TTC17: variants seen among roughly 807,000 people sequenced by gnomAD.
TTC17 encodes tetratricopeptide repeat protein 17.
TTC17 carries 58 observed loss-of-function variants against 143.8 expected under a neutral mutation model. The ratio of observed to expected loss-of-function variants is 0.40; its 90% CI spans 0.33 to 0.50. TTC17 has a LOEUF of 0.50. TTC17 is among the 20% of genes least tolerant of loss of function. TTC17 has a pLI of 0.49. For synonymous variants in TTC17, 501 were observed against 497.8 expected, an observed-to-expected ratio of 1.01 and a Z score of -0.09; for missense variants, 1,273 against 1,392.5, an observed-to-expected ratio of 0.91 and a Z score of 1.37.
At chr11:43,458,738 C>T (rs966073718) in intron 21 of TTC17, among the ~76,000 whole-genome samples, 1 of 152,160 alleles carries the variant, frequency 6.6e-6, no homozygotes, top group Admixed American at 6.5e-5. Context: ...TCGCTTTCCA[C>T]AGTTTTCAGT....
intron 11 of TTC17, 82 bp downstream of exon 11, chr11:43,404,226 A>G: frequency 1.5e-6 from 2 of 1,374,414 alleles, no homozygotes; most frequent in Non-Finnish European, 9.9e-7. Flanking sequence ...TCACTGATTA[A>G]TATGGCCTCT....
chr11:43,378,059 A>G (rs529517968), intron 1 of TTC17, among the ~76,000 whole-genome samples: 3 of 152,232 alleles, frequency 2.0e-5, no homozygotes, highest in Admixed American at 2.0e-4. Context: ...CTGCGCCACC[A>G]TGCCAGCTAA....
chr11:43,404,574 G>C (rs1450014681), intron 11 of TTC17, among the ~76,000 whole-genome samples: 1 of 152,178 alleles, frequency 6.6e-6, no homozygotes, highest in African/African-American at 2.4e-5. Context: ...AGATGATACA[G>C]ACAATAAACA....
At chr11:43,376,187 A>C (rs933637262) in intron 1 of TTC17, among the ~76,000 whole-genome samples, 9 of 152,226 alleles carry the variant, frequency 5.9e-5, no homozygotes, top group African/African-American at 1.9e-4. Context: ...TAATGTATTC[A>C]AAGGAAAATG....
intron 15 of TTC17, among the ~76,000 whole-genome samples, chr11:43,411,421 C>T (rs1461406193): frequency 6.6e-6 from 1 of 151,924 alleles, no homozygotes; most frequent in African/African-American, 2.4e-5. Context: ...AAATGGTGCA[C>T]TCCCCCCGCC....
chr11:43,475,197 TC>T (rs1564980437), intron 21 of TTC17, among the ~76,000 whole-genome samples: 1 of 152,222 alleles, frequency 6.6e-6, no homozygotes, highest in Non-Finnish European at 1.5e-5. Context: ...AGATTGATTA[TC>T]CTTTATCCAA....
At chr11:43,472,662 T>C (rs984846560) in intron 21 of TTC17, among the ~76,000 whole-genome samples, 3 of 151,972 alleles carry the variant, frequency 2.0e-5, no homozygotes, top group African/African-American at 7.2e-5. Flanking sequence ...AAAAGCAAAC[T>C]TGACCTAACT....
intron 15 of TTC17, 140 bp downstream of exon 15, chr11:43,407,717 A>C (rs933346300): frequency 1.3e-6 from 1 of 761,678 alleles, no homozygotes. Flanking sequence ...ATTTCAAGAG[A>C]GTGTGAAAAA....
At chr11:43,483,318 C>T (rs1260564319) in intron 21 of TTC17, among the ~76,000 whole-genome samples, 1 of 152,016 alleles carries the variant, frequency 6.6e-6, no homozygotes, top group Non-Finnish European at 1.5e-5. Context: ...GAATGACATA[C>T]CAGTTAATTC....
chr11:43,379,474 GTGTGTGTT>G (rs2134480366), intron 2 of TTC17, 152 bp downstream of exon 2: 1 of 602,722 alleles, frequency 1.7e-6, no homozygotes, highest in African/African-American at 1.9e-5. Flanking sequence ...GTGTGTGTGT[GTGTGTGTT>G]TTTTCTTTAT....
chr11:43,479,490 TTA>T (rs1214392887), intron 21 of TTC17, among the ~76,000 whole-genome samples: 1 of 152,114 alleles, frequency 6.6e-6, no homozygotes, highest in Non-Finnish European at 1.5e-5. Flanking sequence ...ACCTGAAATA[TTA>T]TAGAGACAAG....
intron 1 of TTC17, among the ~76,000 whole-genome samples, chr11:43,365,035 A>G (rs1362968745): frequency 6.6e-6 from 1 of 151,862 alleles, no homozygotes; most frequent in East Asian, 1.9e-4. Context: ...TCCTGACCTC[A>G]GGTGATCTGC....
chr11:43,365,828 A>G (rs2134437068), intron 1 of TTC17, among the ~76,000 whole-genome samples: 1 of 152,322 alleles, frequency 6.6e-6, no homozygotes, highest in East Asian at 1.9e-4. Context: ...CACATAGTCT[A>G]AGAAATTCAG....
chr11:43,380,042 GA>G (rs892784316), intron 2 of TTC17, among the ~76,000 whole-genome samples: 3 of 151,628 alleles, frequency 2.0e-5, no homozygotes, highest in African/African-American at 4.8e-5. Context: ...TGCAAAATGA[GA>G]AAAAAACTAA....
Position 43,414,452 on chromosome 11 carries a change from G to C in TTC17, c.2065-138G>C, listed in dbSNP as rs574024425. Reference sequence around the variant, plus strand: ...GTATTATACAGTTTAGAATTGGCTGGTATGAATAAAATGGATAGTTAGCAA... The same window carrying C: ...GTATTATACAGTTTAGAATTGGCTGCTATGAATAAAATGGATAGTTAGCAA... On this transcript the variant is annotated intron_variant, in intron 15 of 23. Coordinates refer to ENST00000039989, the MANE Select transcript of TTC17 (RefSeq NM_018259.6). 293 of 815,434 alleles carry C rather than the reference G, an allele frequency of 3.6e-4. 2 individuals carry two copies. In the East Asian group the frequency reaches 7.2e-3, roughly 20 times the overall value. The allele number at this position is 815,434 out of a possible 1,614,324, so 50.5% of individuals were successfully genotyped here. A position where few individuals can be genotyped will look rare whatever the true frequency, so the allele number is the denominator to read the frequency against.
At chr11:43,481,993 A>G (rs1948296002) in intron 21 of TTC17, among the ~76,000 whole-genome samples, 1 of 152,054 alleles carries the variant, frequency 6.6e-6, no homozygotes, top group South Asian at 2.1e-4. Flanking sequence ...TATTTTTAGT[A>G]GAGATGAGGT....
At chr11:43,374,574 C>T (rs749313053) in intron 1 of TTC17, among the ~76,000 whole-genome samples, 1 of 151,972 alleles carries the variant, frequency 6.6e-6, no homozygotes, top group South Asian at 2.1e-4. Flanking sequence ...AAGCAAAAAA[C>T]AACTCCATTA....
At chr11:43,364,047 CTTTTTTTTTTTTT>C (rs71308379) in intron 1 of TTC17, among the ~76,000 whole-genome samples, 1 of 94,452 alleles carries the variant, frequency 1.1e-5, no homozygotes, top group Non-Finnish European at 2.1e-5. Flanking sequence ...TACAGATCCT[CTTTTTTTTTTTTT>C]TTTTTTTTTT....
chr11:43,453,484 A>G (rs1181232108), intron 21 of TTC17, among the ~76,000 whole-genome samples: 2 of 152,236 alleles, frequency 1.3e-5, no homozygotes, highest in East Asian at 3.8e-4. Flanking sequence ...GAATAAAAAA[A>G]GAGGAGCTAT....
Sources: gnomAD v4.1 joint callset for allele counts (sites outside exome capture counted in the v4.1 genomes callset) on GRCh38, gnomAD v4.1.1 for gene constraint, MANE v1.5 for transcripts, NCBI Gene and HGNC (gene_info 2026-07-23, HGNC 2026-07-21) for gene names.